The following EEPD1 variants were observed in gnomAD, a reference collection of about 807,000 sequenced individuals.
EEPD1 encodes the protein endonuclease/exonuclease/phosphatase family domain-containing protein 1.
In EEPD1, 17 loss-of-function variants were observed where a neutral mutation model predicts 46.3. The ratio of observed to expected loss-of-function variants is 0.37; its 90% CI spans 0.25 to 0.55. The LOEUF is 0.55. Among genes scored for constraint, EEPD1 ranks in the 20% least tolerant of loss-of-function variants. The pLI, the probability that EEPD1 is intolerant of heterozygous loss-of-function variation, is 0.83. For missense variants in EEPD1, 673 were observed against 745.6 expected, an observed-to-expected ratio of 0.90 and a Z score of 1.13; for synonymous variants, 313 against 315.6, an observed-to-expected ratio of 0.99 and a Z score of 0.09.
intron 2 of EEPD1, among the ~76,000 whole-genome samples, chr7:36,190,129 TG>T (rs1243453442): frequency 6.6e-6 from 1 of 152,234 alleles, no homozygotes; most frequent in African/African-American, 2.4e-5. Flanking sequence ...CCCAACACTT[TG>T]GGAAGCCAAG....
At chr7:36,250,812 A>G (rs752930492) in intron 3 of EEPD1, among the ~76,000 whole-genome samples, 29 of 152,206 alleles carry the variant, frequency 1.9e-4, no homozygotes, top group Non-Finnish European at 3.4e-4. Flanking sequence ...AGGAGGTCCC[A>G]GCACTGTTGA....
intron 2 of EEPD1, among the ~76,000 whole-genome samples, chr7:36,228,366 A>G (rs1786263924): frequency 6.6e-6 from 1 of 152,128 alleles, no homozygotes; most frequent in Non-Finnish European, 1.5e-5. Context: ...CATCTTTACT[A>G]AAAATACAAA....
intron 3 of EEPD1, among the ~76,000 whole-genome samples, chr7:36,245,552 T>A (rs995698873): frequency 1.6e-4 from 24 of 152,190 alleles, no homozygotes; most frequent in African/African-American, 5.8e-4. Flanking sequence ...GGGCCCCTTG[T>A]GGGATCAGGC....
intron 2 of EEPD1, among the ~76,000 whole-genome samples, chr7:36,232,139 C>T (rs2115767733): frequency 2.1e-5 from 2 of 96,394 alleles, no homozygotes; most frequent in South Asian, 5.8e-4. Context: ...ATCTTCTCTC[C>T]CTCTGCCCCT....
intron 2 of EEPD1, among the ~76,000 whole-genome samples, chr7:36,207,498 C>T (rs1427944646): frequency 6.6e-6 from 1 of 152,144 alleles, no homozygotes; most frequent in Non-Finnish European, 1.5e-5. Context: ...ACCACGTGTT[C>T]ACAGGAGATG....
In EEPD1 at chr7:36,244,356, G is replaced by T. The variant is rs371284207; in HGVS notation, c.930+5320G>T. On this transcript the variant is annotated intron_variant, in intron 3 of 7. Coordinates refer to ENST00000242108, the MANE Select transcript of EEPD1 (RefSeq NM_030636.3). Reference sequence around the variant, plus strand: ...GGTAGATTAAATTTGAACAATAAAAGATTTAAATTATGTAAAACCTAATAT... The same window carrying T: ...GGTAGATTAAATTTGAACAATAAAATATTTAAATTATGTAAAACCTAATAT... Among the ~76,000 whole-genome samples the T allele has an allele frequency of 1.2e-4, 18 of 152,206 alleles. No homozygotes were observed. The South Asian group carries it at 3.1e-3, about 26-fold the overall frequency.
chr7:36,285,168 A>C (rs1291182950), intron 5 of EEPD1, among the ~76,000 whole-genome samples: 1 of 152,132 alleles, frequency 6.6e-6, no homozygotes, highest in Non-Finnish European at 1.5e-5. Flanking sequence ...GACATACAGA[A>C]TTTGGGGGAT....
In EEPD1 at chr7:36,154,935, C is replaced by G; in HGVS notation, c.611C>G (p.Ser204Cys). The G allele has an allele frequency of 1.9e-6, 3 of 1,614,064 alleles. No homozygotes were observed. The highest frequency in any genetic ancestry group is 2.2e-5 in the South Asian group (2 of 91,084). The change falls in exon 2 of 8, where the codon TCC becomes TGC. Residue 204 changes from serine to cysteine, a missense_variant. Coordinates refer to ENST00000242108, the MANE Select transcript of EEPD1 (RefSeq NM_030636.3). This position sits in a 1 kb window ranked among gnomAD's most constrained non-coding sequence, Gnocchi z 4.2. ...TTTGCTGAGAGGTCCAGGCCCCCAT[C>G]CACCCACACGAACGGGGGACTGACC... ...QVFAERSRPPSTHTNGGLTFT... is the reference protein window; with the variant it reads ...QVFAERSRPPCTHTNGGLTFT...
Position 36,281,150 on chromosome 7 carries a change from C to T in EEPD1, c.966C>T (p.Asn322=), listed in dbSNP as rs1258690021. Residue 322 remains asparagine, a synonymous_variant, in exon 4 of 8, where the codon AAC becomes AAT. Coordinates refer to ENST00000242108, the MANE Select transcript of EEPD1 (RefSeq NM_030636.3). ...CTELNQPTLP[N]IRKWKGPRGC... is the part of the protein sequence containing the mutation. ...AGCTAAACCAGCCGACCCTGCCCAA[C>T]ATCCGCAAGTGGAAGGGGCCCCGGG... 1 of 1,614,202 alleles carries T rather than the reference C, an allele frequency of 6.2e-7. No homozygotes were observed.
intron 3 of EEPD1, among the ~76,000 whole-genome samples, chr7:36,257,460 A>G (rs1422125776): frequency 6.6e-6 from 1 of 152,136 alleles, no homozygotes; most frequent in Non-Finnish European, 1.5e-5. Context: ...CAGGTACACC[A>G]ATCAAATGTA....
At chr7:36,296,063 C>A (rs982666733) in intron 6 of EEPD1, among the ~76,000 whole-genome samples, 3 of 141,766 alleles carry the variant, frequency 2.1e-5, no homozygotes, top group Non-Finnish European at 3.0e-5. Flanking sequence ...AAATGAGATG[C>A]TCACTTCAGC....
intron 4 of EEPD1, among the ~76,000 whole-genome samples, chr7:36,284,212 G>C (rs1787305602): frequency 6.6e-6 from 1 of 152,204 alleles, no homozygotes; most frequent in Admixed American, 6.5e-5. Flanking sequence ...TAGGTGCCAG[G>C]CACCATTTTT....
intron 2 of EEPD1, among the ~76,000 whole-genome samples, chr7:36,186,052 T>C (rs962040695): frequency 2.6e-5 from 4 of 152,124 alleles, no homozygotes; most frequent in African/African-American, 9.7e-5. Context: ...TTCTTTCACG[T>C]GGTATATTTC....
At chr7:36,256,123 A>C (rs1329618785) in intron 3 of EEPD1, among the ~76,000 whole-genome samples, 1 of 152,142 alleles carries the variant, frequency 6.6e-6, no homozygotes, top group Non-Finnish European at 1.5e-5. Flanking sequence ...GTTCCCATGT[A>C]GCTGTGTGGT....
At chr7:36,273,043 G>A (rs922677413) in intron 3 of EEPD1, among the ~76,000 whole-genome samples, 23 of 152,238 alleles carry the variant, frequency 1.5e-4, no homozygotes, top group African/African-American at 5.5e-4. Context: ...TGTGACCCGA[G>A]GCATCAGTGA....
At chr7:36,273,228 C>A (rs988204443) in intron 3 of EEPD1, among the ~76,000 whole-genome samples, 1 of 152,084 alleles carries the variant, frequency 6.6e-6, no homozygotes, top group Non-Finnish European at 1.5e-5. Flanking sequence ...CCTTTCTGAG[C>A]CCTGGTTTCG....
intron 4 of EEPD1, among the ~76,000 whole-genome samples, chr7:36,281,464 G>A (rs1440516975): frequency 2.6e-5 from 4 of 152,156 alleles, no homozygotes; most frequent in Admixed American, 6.5e-5. Flanking sequence ...GAGGAGAGGA[G>A]GGGAGAAAGG....
chr7:36,230,733 C>T (rs897220827), intron 2 of EEPD1: 5 of 152,218 alleles, frequency 3.3e-5, no homozygotes, highest in Non-Finnish European at 7.3e-5. Flanking sequence ...ATGCACTTAC[C>T]TGGTTCCTCC....
intron 6 of EEPD1, 99 bp downstream of exon 6, chr7:36,287,876 C>G: frequency 6.6e-7 from 1 of 1,510,834 alleles, no homozygotes. Context: ...GGCTGTTTGT[C>G]AGCAATGTGA....
Sources: allele counts gnomAD v4.1 joint callset (sites outside exome capture counted in the v4.1 genomes callset), GRCh38; gene constraint gnomAD v4.1.1; non-coding constraint Gnocchi (gnomAD v3.1); transcripts MANE v1.5; gene names NCBI Gene and HGNC (gene_info 2026-07-23, HGNC 2026-07-21).